Variants in NAV3 observed in about 807,000 individuals in gnomAD.
NAV3 encodes neuron navigator 3.
NAV3 carries 87 observed loss-of-function variants against 244.7 expected under a neutral mutation model. That is an observed-to-expected ratio of 0.36 (90% CI 0.30 to 0.42). The LOEUF is 0.42. NAV3 is among the 20% of genes least tolerant of loss of function. The probability of loss-of-function intolerance (pLI) is 1.00; values close to 1 mark genes in which losing one functional copy is unlikely to be tolerated. For synonymous variants in NAV3, 1,126 were observed against 1,042.2 expected (o/e 1.08, Z -1.55); for missense variants, 2,663 against 2,893.3 (o/e 0.92, Z 1.83).
chr12:77,965,300 T>C lies in NAV3; in HGVS notation c.415-929T>C, dbSNP rs115503941. Among the ~76,000 whole-genome samples, 1,314 of 152,238 alleles carry C rather than the reference T, an allele frequency of 8.6e-3. 18 individuals carry two copies. Among genetic ancestry groups the C allele is most frequent in the African/African-American group, 0.03 (1,254 of 41,518 alleles). On this transcript the variant is annotated intron_variant, in intron 3 of 39. Transcript: ENST00000397909. The stretch of plus-strand genomic sequence containing the variant: ...CTTTTCACCCTAAATGAATATAAAC[T>C]GGTAATCATATTGAAACCAATCATT...
intron 31 of NAV3, among the ~76,000 whole-genome samples, chr12:78,188,008 C>T (rs1958803655): frequency 6.6e-6 from 1 of 151,844 alleles, no homozygotes; most frequent in Admixed American, 6.6e-5. Context: ...TGCTTTATCT[C>T]ATCTCTTTCT....
intron 1 of NAV3, among the ~76,000 whole-genome samples, chr12:77,867,423 TTG>T (rs1199408148): frequency 5.9e-5 from 9 of 152,042 alleles, no homozygotes; most frequent in Non-Finnish European, 1.0e-4. Context: ...GTTGTTGTTG[TTG>T]TTGTTTGTTT....
At chr12:77,701,896 T>C (rs770534) in intron 2 of NAV3, among the ~76,000 whole-genome samples, 132,188 of 151,802 alleles carry the variant, frequency 0.87, 58,523 homozygotes, top group East Asian at 1. Context: ...GCCCAGCCTA[T>C]GGTTTACCTT....
intron 2 of NAV3, among the ~76,000 whole-genome samples, chr12:77,726,186 A>G (rs1876869193): frequency 6.9e-6 from 1 of 145,856 alleles, no homozygotes; most frequent in African/African-American, 2.5e-5. Context: ...GCATTTTTCC[A>G]GAGTTGAAAT....
intron 2 of NAV3, among the ~76,000 whole-genome samples, chr12:77,579,796 G>C (rs1869265887): frequency 6.6e-6 from 1 of 152,164 alleles, no homozygotes; most frequent in South Asian, 2.1e-4. Context: ...GTACAGCAAA[G>C]AGTTAAAAGC....
At position 78,021,843 on chromosome 12, in the gene NAV3, G is replaced by T; in HGVS notation, c.2004G>T (p.Gln668His). 1 of 1,607,634 alleles carries T rather than the reference G, an allele frequency of 6.2e-7. No individual in the cohort carries two copies. ...MDLSYSKTAK[Q>H]CLEEISGEDP... ...TATCATATAGTAAGACTGCTAAGCA[G>T]TGCCTGGAGGAGATATCTGGTAAGT... The change falls in exon 9 of 40, where the codon CAG becomes CAT. Residue 668 changes from glutamine (Q) to histidine (H), a missense_variant. Transcript: ENST00000397909.
At chr12:78,128,647 C>T in intron 17 of NAV3, 59 bp from the exon 18 acceptor site, 2 of 1,528,558 alleles carry the variant, frequency 1.3e-6, no homozygotes, top group Non-Finnish European at 1.8e-6. Context: ...GTTTTCCTGT[C>T]CTGGCATTGC....
chr12:77,724,731 A>C (rs1342983608), intron 2 of NAV3, among the ~76,000 whole-genome samples: 3 of 151,974 alleles, frequency 2.0e-5, no homozygotes, highest in Non-Finnish European at 4.4e-5. Flanking sequence ...CATGGGCAAA[A>C]AAAGCAGGAA....
At chr12:78,185,850 A>G in intron 31 of NAV3, 152 bp downstream of exon 31, 1 of 623,630 alleles carries the variant, frequency 1.6e-6, no homozygotes, top group Admixed American at 3.0e-5. Context: ...GAAAAGGACA[A>G]TAAAATGATG....
chr12:77,852,495 C>A (rs1475445907), intron 1 of NAV3, among the ~76,000 whole-genome samples: 4 of 152,008 alleles, frequency 2.6e-5, no homozygotes, highest in Non-Finnish European at 4.4e-5. Flanking sequence ...GCTGAGATCG[C>A]ACCACTGCAC....
chr12:77,647,493 G>T (rs1221396396), intron 2 of NAV3, among the ~76,000 whole-genome samples: 1 of 150,966 alleles, frequency 6.6e-6, no homozygotes. Context: ...GCCCAAACTA[G>T]ATGAATTTTT....
intron 9 of NAV3, among the ~76,000 whole-genome samples, chr12:78,024,868 G>A (rs1196857563): frequency 1.3e-5 from 2 of 151,870 alleles, no homozygotes; most frequent in Admixed American, 6.6e-5. Context: ...CCAGCTACTC[G>A]GGAGGCTGAG....
intron 2 of NAV3, among the ~76,000 whole-genome samples, chr12:77,775,296 G>T (rs534274160): frequency 6.6e-6 from 1 of 151,706 alleles, no homozygotes; most frequent in African/African-American, 2.4e-5. Flanking sequence ...GGAGGCTGAG[G>T]CACGAAAATT....
chr12:78,058,378 G>A (rs548911026), intron 11 of NAV3, among the ~76,000 whole-genome samples: 4 of 152,216 alleles, frequency 2.6e-5, no homozygotes, highest in East Asian at 1.9e-4. Context: ...ATCAGATCTC[G>A]TCAGACTTAC....
intron 2 of NAV3, among the ~76,000 whole-genome samples, chr12:77,724,349 G>T (rs1354528087): frequency 6.6e-6 from 1 of 151,834 alleles, no homozygotes; most frequent in African/African-American, 2.4e-5. Context: ...TTAACTCAAA[G>T]ATGTTCAATT....
At position 78,140,452 on chromosome 12, in the gene NAV3, C is replaced by T. The variant is rs573307201; in HGVS notation, c.4683+118C>T. 49 of 929,906 alleles carry T rather than the reference C, an allele frequency of 5.3e-5. 1 individual carries two copies. In the Admixed American group the frequency reaches 7.9e-4, roughly 15 times the overall value. The allele number at this position is 929,906 out of a possible 1,614,324, so 57.6% of individuals were successfully genotyped here. ...TATGACTTGCACAGGAGTTGTGTAG[C>T]AAAATAACGGCATACTCTAAGCTGC... On this transcript the variant is annotated intron_variant, in intron 20 of 39. Coordinates refer to ENST00000397909, the MANE Select transcript of NAV3 (RefSeq NM_001024383.2).
chr12:77,667,488 C>A (rs11106193), intron 2 of NAV3, among the ~76,000 whole-genome samples: 8,033 of 152,036 alleles, frequency 0.053, 502 homozygotes, highest in African/African-American at 0.15. Context: ...GGCTTCCCCC[C>A]ACTTCCCTGG....
chr12:77,954,005 C>T (rs1891136896), intron 3 of NAV3, among the ~76,000 whole-genome samples: 1 of 152,118 alleles, frequency 6.6e-6, no homozygotes, highest in Non-Finnish European at 1.5e-5. Context: ...GTACGTCTTC[C>T]AGAGGCTGTA....
At chr12:78,105,362 G>T (rs998597324) in intron 12 of NAV3, among the ~76,000 whole-genome samples, 4 of 151,972 alleles carry the variant, frequency 2.6e-5, no homozygotes, top group African/African-American at 7.2e-5. Context: ...CTATAAAGTG[G>T]GGATAATTGT....
Sources: allele counts gnomAD v4.1 joint callset (sites outside exome capture counted in the v4.1 genomes callset), GRCh38; gene constraint gnomAD v4.1.1; transcripts MANE v1.5; gene names NCBI Gene and HGNC (gene_info 2026-07-23, HGNC 2026-07-21).